DNAH9: variants seen among roughly 807,000 people sequenced by gnomAD.
DNAH9 encodes dynein axonemal heavy chain 9.
DNAH9 carries 345 observed loss-of-function variants against 471.6 expected under a neutral mutation model. The ratio of observed to expected loss-of-function variants is 0.73; its 90% CI spans 0.67 to 0.80. The LOEUF (loss-of-function observed/expected upper bound fraction) is 0.80, where lower values mean the gene tolerates loss of function less well. Among genes scored for constraint, DNAH9 ranks in the 30% least tolerant of loss-of-function variants. The pLI is 0.00. For synonymous variants in DNAH9, 2,093 were observed against 2,123.6 expected (o/e 0.99, Z 0.40); for missense variants, 5,407 against 5,609.2 (o/e 0.96, Z 1.15).
chr17:11,683,802 G>A (rs1162570686), intron 19 of DNAH9, among the ~76,000 whole-genome samples: 1 of 152,204 alleles, frequency 6.6e-6, no homozygotes, highest in Admixed American at 6.5e-5. Flanking sequence ...CCTGGAAGAG[G>A]ATGCTTTGAA....
At chr17:11,751,661 T>C (rs1567774268) in intron 32 of DNAH9, among the ~76,000 whole-genome samples, 1 of 152,036 alleles carries the variant, frequency 6.6e-6, no homozygotes, top group South Asian at 2.1e-4. Context: ...TAAATTTCCA[T>C]GAAAAATAAG....
intron 25 of DNAH9, among the ~76,000 whole-genome samples, chr17:11,704,713 A>T (rs2074669065): frequency 6.6e-6 from 1 of 151,686 alleles, no homozygotes; most frequent in Admixed American, 6.6e-5. Context: ...CCTCCCAAGT[A>T]GCTGGGATTA....
At position 11,937,608 on chromosome 17, in the gene DNAH9, C is replaced by T; in HGVS notation, c.12660+86C>T. Reference sequence around the variant, plus strand: ...ACCTTTCTCCTGCTGGCCATTTTGGCAGTACACAGCATAGACAACACACAA... The same window carrying T: ...ACCTTTCTCCTGCTGGCCATTTTGGTAGTACACAGCATAGACAACACACAA... On this transcript the variant is annotated intron_variant, in intron 66 of 68. Transcript: ENST00000262442. This position sits in a 1 kb window ranked among gnomAD's most constrained non-coding sequence, Gnocchi z 4.1. 4.1e-6 allele frequency: 6 copies of T among 1,447,278 alleles called. No homozygotes were observed. Among genetic ancestry groups the T allele is most frequent in the Non-Finnish European group, 5.5e-6 (6 of 1,082,372 alleles). The allele number at this position is 1,447,278 out of a possible 1,614,324, so 89.7% of individuals were successfully genotyped here. A position where few individuals can be genotyped will look rare whatever the true frequency, so the allele number is the denominator to read the frequency against.
In DNAH9 at chr17:11,760,513, T is replaced by G. The variant is rs568904225; in HGVS notation, c.6995+2821T>G. On this transcript the variant is annotated intron_variant, in intron 35 of 68. Coordinates refer to ENST00000262442, the MANE Select transcript of DNAH9 (RefSeq NM_001372.4). ...TGGGTGTAATGTCTTTTGTTGTTAG[T>G]TTTTTTTATTTTTATTTTTTTTTTG... Among the ~76,000 whole-genome samples, 9 of 151,932 alleles carry G rather than the reference T, an allele frequency of 5.9e-5. No individual in the cohort carries two copies. The South Asian group carries it at 1.7e-3, about 28-fold the overall frequency.
Position 11,969,456 on chromosome 17 carries a change from T to G in DNAH9, c.13390T>G (p.Phe4464Val), listed in dbSNP as rs2151460357. 6.2e-7 allele frequency: 1 copy of G among 1,613,872 alleles called. No homozygotes were observed. Among genetic ancestry groups the G allele is most frequent in the East Asian group, 2.2e-5 (1 of 44,854 alleles). ...GCGGGGACCCACCTACGTGTGGACT[T>G]TCAACCTGAAGACTAAGGAAAACCC... is the stretch of plus-strand genomic sequence containing the variant. The part of the protein sequence containing the change: ...SQRGPTYVWT[F>V]NLKTKENPSK... The change falls in exon 69 of 69, where the codon TTC (phenylalanine) becomes GTC (valine). Residue 4464 changes from phenylalanine (F) to valine (V), a missense_variant. Phe to Val is a conservative substitution (Grantham distance 50). This residue lies in a region of DNAH9 where 4,636 missense variants were observed against 4,900.3 expected (regional missense o/e 0.95). Coordinates refer to ENST00000262442, the MANE Select transcript of DNAH9 (RefSeq NM_001372.4).
At chr17:11,894,137 TA>T (rs1210331141) in intron 58 of DNAH9, among the ~76,000 whole-genome samples, 4 of 152,154 alleles carry the variant, frequency 2.6e-5, no homozygotes, top group Admixed American at 2.0e-4. Flanking sequence ...TTAACCAAGA[TA>T]TAGTCACTCG....
chr17:11,870,989 G>C (rs981148728), intron 51 of DNAH9, among the ~76,000 whole-genome samples: 1 of 152,120 alleles, frequency 6.6e-6, no homozygotes, highest in African/African-American at 2.4e-5. Context: ...GAGTCCTAAC[G>C]CAGAAGCAAA....
chr17:11,834,157 C>T (rs1331044776), intron 48 of DNAH9, among the ~76,000 whole-genome samples: 4 of 151,730 alleles, frequency 2.6e-5, no homozygotes, highest in Non-Finnish European at 4.4e-5. Context: ...GGTGAAACCA[C>T]ATCTCTACTA....
In DNAH9 at chr17:11,690,371, C is replaced by A. The variant is rs144649934; in HGVS notation, c.4549C>A (p.Arg1517=). ...CATCTCTATCTGGTTTGAAGTGCAG[C>A]GAACATGGACTCACCTGGAAAGCAT... ...AVISIWFEVQ[R]TWTHLESIFT... is the part of the protein sequence containing the mutation. The change falls in exon 20 of 69, where the codon CGA becomes AGA. Residue 1517 remains arginine, a synonymous_variant. Transcript: ENST00000262442. 8.7e-6 allele frequency: 14 copies of A among 1,614,082 alleles called. No homozygotes were observed. The African/African-American group carries it at 1.2e-4, about 14-fold the overall frequency.
rs187740355 is a variant in DNAH9 at position 11,776,016 on chromosome 17, T to C, written c.7553-4993T>C. Among the ~76,000 whole-genome samples, 281 of 152,280 alleles carry C rather than the reference T, an allele frequency of 1.8e-3. 1 individual carries two copies. Among genetic ancestry groups the C allele is most frequent in the Admixed American group, 8.4e-3 (128 of 15,298 alleles). ...TAAACATGGATTCAGAACTCCTTGA[T>C]ACCAGTGGGGGCTGTGCTTCCGACT... is the stretch of plus-strand genomic sequence containing the variant. On this transcript the variant is annotated intron_variant, in intron 38 of 68. Transcript: ENST00000262442.
At chr17:11,672,087 T>C (rs2073982181) in intron 17 of DNAH9, among the ~76,000 whole-genome samples, 1 of 152,248 alleles carries the variant, frequency 6.6e-6, no homozygotes, top group African/African-American at 2.4e-5. Flanking sequence ...CTCTGTGCCA[T>C]GTAATTATGT....
At chr17:11,940,783 T>C (rs1222961029) in intron 66 of DNAH9, among the ~76,000 whole-genome samples, 2 of 152,060 alleles carry the variant, frequency 1.3e-5, no homozygotes, top group Non-Finnish European at 2.9e-5. Flanking sequence ...AGGGGACAAG[T>C]GGAGAAAAAG....
At position 11,937,645 on chromosome 17, in the gene DNAH9, C is replaced by T; in HGVS notation, c.12660+123C>T. 6.5e-6 allele frequency: 7 copies of T among 1,084,072 alleles called. No homozygotes were observed. Among genetic ancestry groups the T allele is most frequent in the Non-Finnish European group, 7.4e-6 (6 of 805,680 alleles). The allele number at this position is 1,084,072 out of a possible 1,614,324, so 67.2% of individuals were successfully genotyped here. A position where few individuals can be genotyped will look rare whatever the true frequency, so the allele number is the denominator to read the frequency against. On this transcript the variant is annotated intron_variant, in intron 66 of 68. Coordinates refer to ENST00000262442, the MANE Select transcript of DNAH9 (RefSeq NM_001372.4). The surrounding 1 kb of genome is among the most constrained non-coding windows in gnomAD (Gnocchi z 4.1). ...TAGACAACACACAAAGCACCAACCA[C>T]CTGCAGCCTGGAGATGCTTGCCTGT...
intron 48 of DNAH9, among the ~76,000 whole-genome samples, chr17:11,824,699 A>G (rs555088930): frequency 6.6e-6 from 1 of 152,286 alleles, no homozygotes; most frequent in Non-Finnish European, 1.5e-5. Flanking sequence ...TTAATTTCCT[A>G]ACAACCCTTT....
At chr17:11,855,262 G>T (rs1379308104) in intron 50 of DNAH9, among the ~76,000 whole-genome samples, 1 of 152,172 alleles carries the variant, frequency 6.6e-6, no homozygotes, top group Non-Finnish European at 1.5e-5. Flanking sequence ...CAAAGAGATA[G>T]AGTGAGTGCT....
chr17:11,672,565 T>C (rs1216408705), intron 17 of DNAH9, among the ~76,000 whole-genome samples: 1 of 152,204 alleles, frequency 6.6e-6, no homozygotes, highest in Non-Finnish European at 1.5e-5. Context: ...CCAACTGCAC[T>C]CTGCCTTGCT....
intron 19 of DNAH9, among the ~76,000 whole-genome samples, chr17:11,688,827 G>A (rs1474299337): frequency 6.6e-6 from 1 of 152,172 alleles, no homozygotes; most frequent in South Asian, 2.1e-4. Flanking sequence ...GCCAGGCTTG[G>A]TGGCTTGTGC....
Position 11,711,994 on chromosome 17 carries a change from ATATATATTTGTATATATATT to A in DNAH9, c.5552+6817_5552+6836del, listed in dbSNP as rs2074850515. On this transcript the variant is annotated intron_variant, in intron 26 of 68. Transcript: ENST00000262442. ...TTTGTATATATATTTATATATAAAT[ATATATATTTGTATATATATT>A]TATATATAAATATATATATTTATAT... Among the ~76,000 whole-genome samples, 10 of 14,444 alleles carry A rather than the reference ATATATATTTGTATATATATT, an allele frequency of 6.9e-4. 4 individuals are homozygous for A. In the Admixed American group the frequency reaches 0.01, roughly 15 times the overall value. The allele number at this position is 14,444 out of a possible 152,430, so 9.5% of individuals were successfully genotyped here.
intron 68 of DNAH9, among the ~76,000 whole-genome samples, chr17:11,963,106 C>G (rs1471481351): frequency 6.6e-6 from 1 of 150,934 alleles, no homozygotes; most frequent in Admixed American, 6.7e-5. Context: ...ACTGGATTAT[C>G]ATGAACCCTA....
Sources: allele counts gnomAD v4.1 joint callset (sites outside exome capture counted in the v4.1 genomes callset), GRCh38; gene constraint gnomAD v4.1.1; regional missense constraint gnomAD v4.1.1; non-coding constraint Gnocchi (gnomAD v3.1); transcripts MANE v1.5; gene names NCBI Gene and HGNC (gene_info 2026-07-23, HGNC 2026-07-21).